TLK1: variants seen among roughly 807,000 people sequenced by gnomAD.
TLK1 encodes serine/threonine-protein kinase tousled-like 1.
Under a neutral mutation model 105.3 loss-of-function variants are expected in TLK1, and 24 were observed. That is an observed-to-expected ratio of 0.23 (90% CI 0.17 to 0.32). TLK1 has a LOEUF of 0.32. TLK1 is among the 10% of genes least tolerant of loss of function. The probability of loss-of-function intolerance (pLI) is 1.00; values close to 1 mark genes in which losing one functional copy is unlikely to be tolerated. For synonymous variants in TLK1, 321 were observed against 310.4 expected, an observed-to-expected ratio of 1.03 and a Z score of -0.36; for missense variants, 558 against 910.5, an observed-to-expected ratio of 0.61 and a Z score of 4.98.
intron 10 of TLK1, among the ~76,000 whole-genome samples, chr2:171,047,002 T>A (rs1295508247): frequency 6.6e-6 from 1 of 152,076 alleles, no homozygotes; most frequent in East Asian, 1.9e-4. Context: ...AACCTTAATA[T>A]AAGAAATTTA....
intron 4 of TLK1, chr2:171,059,892 T>C (rs767281323): frequency 1.8e-6 from 2 of 1,087,188 alleles, no homozygotes; most frequent in East Asian, 2.4e-5. Context: ...AGGCCGAGCT[T>C]AGGCGGTAAT....
At chr2:171,132,383 G>C (rs950728078) in intron 1 of TLK1, among the ~76,000 whole-genome samples, 1 of 151,912 alleles carries the variant, frequency 6.6e-6, no homozygotes, top group African/African-American at 2.4e-5. Flanking sequence ...ATGAGATTTG[G>C]ATGGCGACAC....
chr2:171,071,121 T>C (rs974154894), intron 3 of TLK1, among the ~76,000 whole-genome samples: 1 of 152,212 alleles, frequency 6.6e-6, no homozygotes, highest in Non-Finnish European at 1.5e-5. Context: ...GATTGGATTA[T>C]CATATGTTTT....
chr2:171,173,427 G>A (rs2105303578), intron 1 of TLK1, among the ~76,000 whole-genome samples: 1 of 152,050 alleles, frequency 6.6e-6, no homozygotes, highest in South Asian at 2.1e-4. Flanking sequence ...AACTCCTGTT[G>A]CCCAGGCTGT....
chr2:171,148,095 T>A (rs550319599), intron 1 of TLK1, among the ~76,000 whole-genome samples: 2 of 152,262 alleles, frequency 1.3e-5, no homozygotes, highest in Non-Finnish European at 2.9e-5. Context: ...TTTCACCGTG[T>A]TAGCCTGGAT....
intron 1 of TLK1, among the ~76,000 whole-genome samples, chr2:171,178,884 T>G (rs1692879569): frequency 6.6e-6 from 1 of 152,236 alleles, no homozygotes; most frequent in African/African-American, 2.4e-5. Flanking sequence ...GTATATGGCC[T>G]CTTACACAGA....
intron 5 of TLK1, among the ~76,000 whole-genome samples, chr2:171,057,317 C>A (rs752210088): frequency 1.4e-4 from 21 of 152,154 alleles, no homozygotes; most frequent in Non-Finnish European, 2.7e-4. Context: ...AACTTCCCAG[C>A]ATGTTCATTA....
intron 20 of TLK1, among the ~76,000 whole-genome samples, chr2:170,996,294 C>A (rs915737794): frequency 3.9e-5 from 6 of 152,170 alleles, no homozygotes; most frequent in African/African-American, 1.4e-4. Flanking sequence ...CCACCACGCC[C>A]AGCCTTATTA....
chr2:171,221,641 A>C (rs1693812069), intron 1 of TLK1, among the ~76,000 whole-genome samples: 1 of 152,162 alleles, frequency 6.6e-6, no homozygotes, highest in Non-Finnish European at 1.5e-5. Flanking sequence ...TAAACAACAC[A>C]CATTTATTTT....
chr2:171,124,025 T>C (rs2105542928), intron 1 of TLK1, among the ~76,000 whole-genome samples: 1 of 152,336 alleles, frequency 6.6e-6, no homozygotes, highest in Middle Eastern at 3.4e-3. Context: ...TGCAGATTAA[T>C]TACTTCCAAT....
intron 2 of TLK1, among the ~76,000 whole-genome samples, chr2:171,101,346 CAAAAAA>C (rs71401403): frequency 7.9e-5 from 5 of 63,502 alleles, no homozygotes; most frequent in Non-Finnish European, 1.4e-4. Flanking sequence ...AACTCCGTCT[CAAAAAA>C]AAAAAAAAAA....
intron 1 of TLK1, among the ~76,000 whole-genome samples, chr2:171,184,368 C>T (rs972383702): frequency 2.0e-5 from 3 of 152,110 alleles, no homozygotes; most frequent in South Asian, 2.1e-4. Context: ...TAGTGCCAGG[C>T]GTGGTGCCTC....
In TLK1 at chr2:171,215,968, T is replaced by G. The variant is rs570982946; in HGVS notation, c.-6+15177A>C. Among the ~76,000 whole-genome samples, 11 of 152,340 alleles carry G rather than the reference T, an allele frequency of 7.2e-5. No individual in the cohort carries two copies. The East Asian group carries it at 2.1e-3, about 29-fold the overall frequency. On this transcript the variant is annotated intron_variant, in intron 1 of 20. Transcript: ENST00000521943. ...AGCTAACACATATCAAGATTCTCTT[T>G]GTGCCAGGCGTTGTTCTAAGGACTT...
At chr2:171,024,756 A>G (rs941177535) in intron 12 of TLK1, among the ~76,000 whole-genome samples, 5 of 152,200 alleles carry the variant, frequency 3.3e-5, no homozygotes, top group Admixed American at 3.3e-4. Context: ...AAAAGGTGTA[A>G]TTAATGTTCA....
At chr2:171,221,040 A>C (rs1693801151) in intron 1 of TLK1, among the ~76,000 whole-genome samples, 1 of 152,144 alleles carries the variant, frequency 6.6e-6, no homozygotes, top group South Asian at 2.1e-4. Context: ...TTAAGAAACA[A>C]ATTTCCACAG....
intron 2 of TLK1, among the ~76,000 whole-genome samples, chr2:171,111,312 C>T (rs1264719814): frequency 2.0e-5 from 3 of 152,160 alleles, no homozygotes; most frequent in African/African-American, 4.8e-5. Flanking sequence ...GTGGCTCACA[C>T]CTGTAATTCC....
intron 1 of TLK1, among the ~76,000 whole-genome samples, chr2:171,224,291 G>T (rs1003738329): frequency 6.6e-6 from 1 of 152,048 alleles, no homozygotes; most frequent in Non-Finnish European, 1.5e-5. Context: ...TATCTATTCT[G>T]TTCCATTGGT....
At chr2:171,201,907 A>G (rs1693405620) in intron 1 of TLK1, among the ~76,000 whole-genome samples, 1 of 143,612 alleles carries the variant, frequency 7.0e-6, no homozygotes, top group Non-Finnish European at 1.5e-5. Flanking sequence ...TCATCTATCT[A>G]TCTATCTATC....
intron 1 of TLK1, among the ~76,000 whole-genome samples, chr2:171,224,680 T>A (rs992116560): frequency 2.0e-5 from 3 of 152,202 alleles, no homozygotes; most frequent in Non-Finnish European, 4.4e-5. Context: ...GCTACTTTTT[T>A]AATTTTTGCA....
Sources: gnomAD v4.1 joint callset for allele counts (sites outside exome capture counted in the v4.1 genomes callset) on GRCh38, gnomAD v4.1.1 for gene constraint, MANE v1.5 for transcripts, NCBI Gene and HGNC (gene_info 2026-07-23, HGNC 2026-07-21) for gene names.